SAMD8: variants seen among roughly 807,000 people sequenced by gnomAD.
SAMD8 encodes sterile alpha motif domain containing 8.
A neutral mutation model predicts 42.0 loss-of-function variants in SAMD8; 20 were observed. The ratio of observed to expected loss-of-function variants is 0.48; its 90% CI spans 0.34 to 0.69. The LOEUF (loss-of-function observed/expected upper bound fraction) is 0.69, where lower values mean the gene tolerates loss of function less well. Ranked by LOEUF, SAMD8 falls within the 30% of genes least tolerant of loss-of-function variation. The pLI is 0.01. For synonymous variants in SAMD8, 162 were observed against 173.0 expected, an observed-to-expected ratio of 0.94 and a Z score of 0.50; for missense variants, 328 against 511.6, an observed-to-expected ratio of 0.64 and a Z score of 3.46.
intron 1 of SAMD8, among the ~76,000 whole-genome samples, chr10:75,146,923 C>T (rs1840150709): frequency 6.6e-6 from 1 of 152,060 alleles, no homozygotes; most frequent in Admixed American, 6.6e-5. Context: ...TAGTATGGGC[C>T]TCTTAACTAT....
intron 1 of SAMD8, chr10:75,105,711 G>C (rs918555091): frequency 6.4e-7 from 1 of 1,553,010 alleles, no homozygotes; most frequent in East Asian, 2.4e-5. Context: ...CCAGCCTGCA[G>C]AGCTGGTGCA....
intron 4 of SAMD8, among the ~76,000 whole-genome samples, chr10:75,172,531 T>C (rs1316699916): frequency 6.6e-6 from 1 of 151,718 alleles, no homozygotes; most frequent in African/African-American, 2.4e-5. Flanking sequence ...GGAGTCTTTC[T>C]CTGTCGCCCC....
chr10:75,105,688 C>T (rs774178209), intron 1 of SAMD8: 12 of 1,549,658 alleles, frequency 7.7e-6, no homozygotes, highest in East Asian at 4.9e-5. Context: ...GCCGGCACCC[C>T]GCAGTTGCTG....
chr10:75,151,529 T>C (rs1407276551), intron 2 of SAMD8, among the ~76,000 whole-genome samples: 3 of 151,906 alleles, frequency 2.0e-5, no homozygotes, highest in African/African-American at 7.3e-5. Flanking sequence ...AATTTTTAAG[T>C]TTTTTGTAGA....
chr10:75,117,239 A>G (rs1848905160), intron 1 of SAMD8, among the ~76,000 whole-genome samples: 1 of 150,080 alleles, frequency 6.7e-6, no homozygotes, highest in Non-Finnish European at 1.5e-5. Flanking sequence ...CCTGAGCAAC[A>G]TAGTGAGACC....
chr10:75,170,801 T>C (rs1589978210), intron 4 of SAMD8, among the ~76,000 whole-genome samples: 1 of 127,820 alleles, frequency 7.8e-6, no homozygotes, highest in South Asian at 2.5e-4. Flanking sequence ...TGAGGTGGAG[T>C]CTTTCCCAGT....
rs751617883 is a variant in SAMD8 at position 75,150,632 on chromosome 10, A to G, written c.104A>G (p.Asn35Ser). The G allele has an allele frequency of 6.2e-6, 10 of 1,614,096 alleles. No individual in the cohort carries two copies. The highest frequency in any genetic ancestry group is 2.2e-5 in the East Asian group (1 of 44,904). The change falls in exon 2 of 6, where the codon AAT becomes AGT. Residue 35 changes from asparagine to serine, a missense_variant. Physicochemically the swap from Asn to Ser is conservative, Grantham distance 46. Transcript: ENST00000542569. ...GFFEYVDILC[N>S]KHRLDGITLL... ...TTTGAATATGTGGACATTTTATGCA[A>G]TAAGCACCGACTTGATGGAATCACA... is the stretch of plus-strand genomic sequence containing the variant.
rs1394853241 is a variant in SAMD8, at chr10:75,150,561, C to G, written c.33C>G (p.Arg11=). MAGPNQLCIR[R]WTTKHVAVWL... ...GTCCTAATCAACTCTGCATTCGCCGCTGGACTACCAAGCATGTAGCTGTGT... is the reference window on the plus strand; with the variant it reads ...GTCCTAATCAACTCTGCATTCGCCGGTGGACTACCAAGCATGTAGCTGTGT... Residue 11 remains arginine, a synonymous_variant, in exon 2 of 6, where the codon CGC becomes CGG. Transcript: ENST00000542569. 3 of 1,613,998 alleles carry G rather than the reference C, an allele frequency of 1.9e-6. No homozygotes were observed. The highest frequency in any genetic ancestry group is 2.2e-5 in the East Asian group (1 of 44,880).
intron 1 of SAMD8, among the ~76,000 whole-genome samples, chr10:75,104,502 C>A (rs1249121603): frequency 6.6e-6 from 1 of 152,142 alleles, no homozygotes; most frequent in Admixed American, 6.5e-5. Context: ...GGTCAGAGGT[C>A]AGGGAGCCTA....
upstream of SAMD8, among the ~76,000 whole-genome samples, chr10:75,107,146 G>A (rs769579966): frequency 6.6e-6 from 1 of 152,150 alleles, no homozygotes; most frequent in African/African-American, 2.4e-5. Flanking sequence ...GACCAGCCTC[G>A]CCAACATGGT....
At chr10:75,121,533 A>G (rs146956868) in intron 1 of SAMD8, among the ~76,000 whole-genome samples, 103 of 152,304 alleles carry the variant, frequency 6.8e-4, no homozygotes, top group Non-Finnish European at 1.2e-3. Context: ...CCCTTATGAG[A>G]TAAAGGTTAA....
intron 1 of SAMD8, among the ~76,000 whole-genome samples, chr10:75,103,489 C>CAG (rs1848306944): frequency 6.6e-6 from 1 of 152,190 alleles, no homozygotes; most frequent in Non-Finnish European, 1.5e-5. Flanking sequence ...CCCCTGAGGC[C>CAG]AGAGAGATGG....
At chr10:75,126,985 C>T (rs1192859555) in intron 1 of SAMD8, among the ~76,000 whole-genome samples, 4 of 151,956 alleles carry the variant, frequency 2.6e-5, no homozygotes, top group Non-Finnish European at 5.9e-5. Flanking sequence ...GTCAACGGTT[C>T]GAGACCAGCC....
At chr10:75,156,337 G>T (rs777360873) in intron 2 of SAMD8, among the ~76,000 whole-genome samples, 1 of 152,114 alleles carries the variant, frequency 6.6e-6, no homozygotes, top group Non-Finnish European at 1.5e-5. Flanking sequence ...AGAATAATAC[G>T]AGCAAATAAA....
chr10:75,119,098 A>G (rs1055875821), intron 1 of SAMD8, among the ~76,000 whole-genome samples: 1 of 151,798 alleles, frequency 6.6e-6, no homozygotes, highest in Non-Finnish European at 1.5e-5. Context: ...TTTACGTTTT[A>G]TACATCATTT....
At chr10:75,127,389 G>A (rs866642620) in intron 1 of SAMD8, among the ~76,000 whole-genome samples, 1 of 152,118 alleles carries the variant, frequency 6.6e-6, no homozygotes, top group South Asian at 2.1e-4. Context: ...ACAGTTCTCT[G>A]TACTACTTGC....
chr10:75,132,858 A>G (rs1046185776), intron 1 of SAMD8, among the ~76,000 whole-genome samples: 17 of 151,992 alleles, frequency 1.1e-4, no homozygotes, highest in African/African-American at 3.9e-4. Context: ...GCTTGGTGGT[A>G]CACACCTGTG....
intron 1 of SAMD8, 48 bp downstream of exon 1, chr10:75,111,770 C>A: frequency 8.1e-7 from 1 of 1,232,614 alleles, no homozygotes; most frequent in Non-Finnish European, 1.0e-6. Flanking sequence ...GGGGCGCCTG[C>A]TGCCAAGGGT....
chr10:75,151,649 G>A lies in SAMD8; in HGVS notation c.578+543G>A, dbSNP rs113785739. ...TTACAGGCATGAGCCATCATGGCCT[G>A]GACTGCTTAATTTATTTTTGTGTAG... On this transcript the variant is annotated intron_variant, in intron 2 of 5. Coordinates refer to ENST00000542569, the MANE Select transcript of SAMD8 (RefSeq NM_001174156.2). 3.3e-3 allele frequency among the ~76,000 whole-genome samples: 506 copies of A among 151,910 alleles called. 1 individual carries two copies. The highest frequency in any genetic ancestry group is 0.012 in the African/African-American group (484 of 41,414).
Sources: allele counts gnomAD v4.1 joint callset (sites outside exome capture counted in the v4.1 genomes callset), GRCh38; gene constraint gnomAD v4.1.1; transcripts MANE v1.5; gene names NCBI Gene and HGNC (gene_info 2026-07-23, HGNC 2026-07-21).